ASPH: variants seen among roughly 807,000 people sequenced by gnomAD.
ASPH encodes aspartate beta-hydroxylase, also known as aspartyl/asparaginyl beta-hydroxylase.
ASPH carries 100 observed loss-of-function variants against 118.4 expected under a neutral mutation model. That is an observed-to-expected ratio of 0.84 (90% CI 0.72 to 1.00). The LOEUF is 1.00. Ranked by LOEUF, ASPH falls within the 50% of genes least tolerant of loss-of-function variation. The pLI, the probability that ASPH is intolerant of heterozygous loss-of-function variation, is 0.00. For missense variants in ASPH, 920 were observed against 919.5 expected (o/e 1.00, Z -0.01); for synonymous variants, 315 against 325.6 (o/e 0.97, Z 0.35).
chr8:61,712,953 C>G (rs553338951), intron 1 of ASPH, among the ~76,000 whole-genome samples: 15 of 152,302 alleles, frequency 9.8e-5, no homozygotes, highest in African/African-American at 3.4e-4. Context: ...TGAGAAGAAC[C>G]CATTCTCATT....
chr8:61,656,846 C>T (rs1813927785), intron 3 of ASPH: 1 of 152,156 alleles, frequency 6.6e-6, no homozygotes, highest in African/African-American at 2.4e-5. Context: ...TACCCAAGCC[C>T]AGGATTAGCT....
At chr8:61,516,450 G>T (rs1177755912) in intron 24 of ASPH, among the ~76,000 whole-genome samples, 1 of 152,030 alleles carries the variant, frequency 6.6e-6, no homozygotes, top group African/African-American at 2.4e-5. Context: ...GGCTGCCCAG[G>T]GCAGTTATCT....
At chr8:61,665,648 G>T in intron 3 of ASPH, 1 of 1,517,668 alleles carries the variant, frequency 6.6e-7, no homozygotes, top group East Asian at 2.3e-5. Context: ...TTTATTGACA[G>T]GATCTCTTAA....
intron 1 of ASPH, among the ~76,000 whole-genome samples, chr8:61,691,343 T>C (rs554449771): frequency 6.6e-6 from 1 of 152,284 alleles, no homozygotes; most frequent in South Asian, 2.1e-4. Context: ...TAGGTAGACA[T>C]CATGGCCAAC....
chr8:61,649,044 G>A (rs1809547679), intron 5 of ASPH, among the ~76,000 whole-genome samples: 1 of 152,126 alleles, frequency 6.6e-6, no homozygotes, highest in Admixed American at 6.5e-5. Context: ...AAAGAGGCTG[G>A]GATCAGACAA....
At chr8:61,535,880 G>A (rs1315266652) in intron 21 of ASPH, among the ~76,000 whole-genome samples, 3 of 152,154 alleles carry the variant, frequency 2.0e-5, no homozygotes, top group African/African-American at 7.2e-5. Flanking sequence ...CCATGGGACT[G>A]TAATGCTATT....
intron 3 of ASPH, among the ~76,000 whole-genome samples, chr8:61,678,754 C>CT (rs950173169): frequency 9.9e-5 from 15 of 152,112 alleles, no homozygotes; most frequent in African/African-American, 3.6e-4. Context: ...TCCTACCCTC[C>CT]TCCTTCCCCT....
At chr8:61,583,905 T>C in intron 15 of ASPH, 39 bp downstream of exon 15, 1 of 1,384,096 alleles carries the variant, frequency 7.2e-7, no homozygotes. Context: ...CCTGAGTTTA[T>C]TTAACAACAA....
In ASPH at chr8:61,548,115, G is replaced by A; in HGVS notation, c.1720C>T (p.Pro574Ser). 1 of 1,613,940 alleles carries A rather than the reference G, an allele frequency of 6.2e-7. No individual in the cohort carries two copies. The part of the protein sequence containing the change: ...LYNVNGLKAQ[P>S]WWTPKETGYT... Reference sequence around the variant, plus strand: ...CCCGTTTCTTTTGGGGTCCACCAAGGCTGTGCTTTCAGTCCATTCACATTG... The same window carrying A: ...CCCGTTTCTTTTGGGGTCCACCAAGACTGTGCTTTCAGTCCATTCACATTG... Residue 574 changes from proline to serine, a missense_variant, in exon 21 of 25, where the codon CCT becomes TCT. Physicochemically the swap from Pro to Ser is moderately conservative, Grantham distance 74. Transcript: ENST00000379454.
intron 14 of ASPH, among the ~76,000 whole-genome samples, chr8:61,614,691 T>C (rs1487414389): frequency 6.6e-6 from 1 of 152,118 alleles, no homozygotes; most frequent in Non-Finnish European, 1.5e-5. Context: ...AGCATCTCAC[T>C]ATGTGGCCCA....
At chr8:61,543,273 A>G (rs1306053292) in intron 21 of ASPH, among the ~76,000 whole-genome samples, 1 of 152,002 alleles carries the variant, frequency 6.6e-6, no homozygotes, top group Admixed American at 6.6e-5. Flanking sequence ...GGTACACTTG[A>G]TCGTGCTCCA....
chr8:61,631,144 A>C (rs1278574250), intron 13 of ASPH, among the ~76,000 whole-genome samples: 1 of 152,234 alleles, frequency 6.6e-6, no homozygotes, highest in Non-Finnish European at 1.5e-5. Context: ...AATCATCAAA[A>C]AGTTTTTAAA....
chr8:61,701,232 A>C (rs1835171142), intron 1 of ASPH, among the ~76,000 whole-genome samples: 1 of 152,230 alleles, frequency 6.6e-6, no homozygotes, highest in Admixed American at 6.5e-5. Context: ...ATAAGCTAAA[A>C]GCACACTAAG....
chr8:61,592,818 T>TA (rs1841530974), intron 14 of ASPH, among the ~76,000 whole-genome samples: 1 of 152,242 alleles, frequency 6.6e-6, no homozygotes, highest in African/African-American at 2.4e-5. Context: ...CTTTTCTTTT[T>TA]AAAATCACTG....
intron 6 of ASPH, among the ~76,000 whole-genome samples, chr8:61,644,915 C>G (rs540059588): frequency 6.6e-6 from 1 of 152,280 alleles, no homozygotes; most frequent in East Asian, 1.9e-4. Flanking sequence ...CAGGCCAGAC[C>G]AGGAAAGCCG....
chr8:61,649,002 A>G (rs1271795804), intron 5 of ASPH, among the ~76,000 whole-genome samples: 1 of 152,214 alleles, frequency 6.6e-6, no homozygotes, highest in East Asian at 1.9e-4. Flanking sequence ...AAGAGAGGTC[A>G]GCTGGGCTAG....
chr8:61,576,664 G>A (rs1672787409), intron 16 of ASPH, 108 bp downstream of exon 16: 1 of 929,324 alleles, frequency 1.1e-6, no homozygotes. Context: ...ATGAGAAACT[G>A]ATTCTGTAGA....
chr8:61,560,188 C>A (rs758749273), intron 18 of ASPH, among the ~76,000 whole-genome samples: 1 of 152,124 alleles, frequency 6.6e-6, no homozygotes, highest in Non-Finnish European at 1.5e-5. Flanking sequence ...AATGGGTATA[C>A]GTGAGCAGTG....
chr8:61,644,047 T>C (rs768755325), intron 7 of ASPH, 46 bp from the exon 8 acceptor site: 50 of 1,399,598 alleles, frequency 3.6e-5, no homozygotes, highest in Non-Finnish European at 4.9e-5. Flanking sequence ...AAATAAGGAA[T>C]ACATGTAATA....
Sources: allele counts gnomAD v4.1 joint callset (sites outside exome capture counted in the v4.1 genomes callset), GRCh38; gene constraint gnomAD v4.1.1; transcripts MANE v1.5; gene names NCBI Gene and HGNC (gene_info 2026-07-23, HGNC 2026-07-21).